Variants in SLC24A2 observed in about 807,000 individuals in gnomAD.
SLC24A2 encodes the protein sodium/potassium/calcium exchanger 2.
In SLC24A2, 36 loss-of-function variants were observed where a neutral mutation model predicts 62.0. The observed-to-expected ratio is 0.58, with a 90% CI of 0.44 to 0.77. The LOEUF is 0.77. Ranked by LOEUF, SLC24A2 falls within the 30% of genes least tolerant of loss-of-function variation. SLC24A2 has a pLI of 0.00. For missense variants in SLC24A2, 846 were observed against 817.9 expected, an observed-to-expected ratio of 1.03 and a Z score of -0.42; for synonymous variants, 358 against 294.0, an observed-to-expected ratio of 1.22 and a Z score of -2.23.
the SLC24A2 span, among the ~76,000 whole-genome samples, chr9:20,216,408 G>A: frequency 6.6e-6 from 1 of 152,200 alleles, no homozygotes; most frequent in East Asian, 1.9e-4. Flanking sequence ...GAGGGAGCTA[G>A]GAAATAGGCA....
At chr9:19,830,677 TC>T in the SLC24A2 span, among the ~76,000 whole-genome samples, 1 of 152,086 alleles carries the variant, frequency 6.6e-6, no homozygotes, top group Non-Finnish European at 1.5e-5. Context: ...GTGTGGCAGA[TC>T]ATCTAGACCC....
At chr9:20,104,437 G>A in the SLC24A2 span, among the ~76,000 whole-genome samples, 2 of 152,120 alleles carry the variant, frequency 1.3e-5, no homozygotes, top group East Asian at 3.8e-4. Flanking sequence ...AAATGTTAAG[G>A]GCAGTCAGAG....
At chr9:19,656,265 G>C (rs4977313) in intron 2 of SLC24A2, among the ~76,000 whole-genome samples, 2 of 152,052 alleles carry the variant, frequency 1.3e-5, no homozygotes, top group African/African-American at 4.8e-5. Context: ...AAAAAATGAA[G>C]ATGGAAATAC....
At position 19,640,685 on chromosome 9, in the gene SLC24A2, C is replaced by G. The variant is rs190656061; in HGVS notation, c.931-18386G>C. Reference sequence around the variant, plus strand: ...GTCAAGATTTTAAGTAAAGACAGCTCTTACCTTGCACTTGAATCTTCCCTA... The same window carrying G: ...GTCAAGATTTTAAGTAAAGACAGCTGTTACCTTGCACTTGAATCTTCCCTA... On this transcript the variant is annotated intron_variant, in intron 2 of 10. Coordinates refer to ENST00000341998, the MANE Select transcript of SLC24A2 (RefSeq NM_020344.4). Among the ~76,000 whole-genome samples the G allele has an allele frequency of 3.3e-5, 5 of 152,336 alleles. No individual in the cohort carries two copies. In the East Asian group the frequency reaches 7.7e-4, roughly 23 times the overall value.
At chr9:20,108,488 C>T in the SLC24A2 span, among the ~76,000 whole-genome samples, 1 of 152,150 alleles carries the variant, frequency 6.6e-6, no homozygotes, top group African/African-American at 2.4e-5. Flanking sequence ...GAAAACTTGG[C>T]ACATATACAC....
chr9:20,094,163 T>C, the SLC24A2 span, among the ~76,000 whole-genome samples: 2,130 of 152,292 alleles, frequency 0.014, 52 homozygotes, highest in African/African-American at 0.049. Context: ...TGTCCTTATA[T>C]ATTCTATTTG....
In SLC24A2 at chr9:19,530,702, G is replaced by A. The variant is rs534108843; in HGVS notation, c.1480-2564C>T. Among the ~76,000 whole-genome samples the A allele has an allele frequency of 2.6e-5, 4 of 152,274 alleles. No homozygotes were observed. The South Asian group carries it at 8.3e-4, about 32-fold the overall frequency. On this transcript the variant is annotated intron_variant, in intron 8 of 10. Coordinates refer to ENST00000341998, the MANE Select transcript of SLC24A2 (RefSeq NM_020344.4). ...CTCTAAATCAATATTTGATGCCCAT[G>A]ATTCTTAATCAAGAAGCCAATTAGT...
chr9:20,248,402 A>G, the SLC24A2 span, among the ~76,000 whole-genome samples: 1 of 152,220 alleles, frequency 6.6e-6, no homozygotes. Context: ...GAAATTTCTC[A>G]CAGTTCTGGA....
intron 2 of SLC24A2, among the ~76,000 whole-genome samples, chr9:19,682,306 G>A (rs542279563): frequency 2.0e-5 from 3 of 152,078 alleles, no homozygotes; most frequent in Non-Finnish European, 4.4e-5. Context: ...GATAGTAGAC[G>A]GTTGCATACA....
At chr9:20,126,071 A>G in the SLC24A2 span, among the ~76,000 whole-genome samples, 1 of 152,172 alleles carries the variant, frequency 6.6e-6, no homozygotes, top group Admixed American at 6.5e-5. Flanking sequence ...GGTTCTTACA[A>G]AGGTGTTTTT....
intron 9 of SLC24A2, among the ~76,000 whole-genome samples, chr9:19,525,815 A>G (rs1281373394): frequency 7.5e-6 from 1 of 132,932 alleles, no homozygotes; most frequent in East Asian, 2.2e-4. Context: ...TTGTGAAGTG[A>G]TATCTTGGAT....
chr9:20,117,977 C>A, the SLC24A2 span, among the ~76,000 whole-genome samples: 1 of 152,052 alleles, frequency 6.6e-6, no homozygotes, highest in Non-Finnish European at 1.5e-5. Flanking sequence ...CAGAGTCTGA[C>A]TGACTCTAGG....
chr9:19,720,837 A>ATG (rs10692458), intron 2 of SLC24A2, among the ~76,000 whole-genome samples: 18,975 of 140,138 alleles, frequency 0.14, 1,194 homozygotes, highest in East Asian at 0.18. Flanking sequence ...ATGTGGAATG[A>ATG]TGTGTGTGTG....
the SLC24A2 span, among the ~76,000 whole-genome samples, chr9:20,207,879 C>T: frequency 6.6e-6 from 1 of 152,164 alleles, no homozygotes; most frequent in East Asian, 1.9e-4. Flanking sequence ...GCTACATGCA[C>T]AAGTTTCTAC....
At chr9:20,239,339 A>G in the SLC24A2 span, among the ~76,000 whole-genome samples, 1 of 152,238 alleles carries the variant, frequency 6.6e-6, no homozygotes, top group Non-Finnish European at 1.5e-5. Context: ...CTGAAATTCA[A>G]ATTTAACTAT....
chr9:20,101,734 C>A, the SLC24A2 span, among the ~76,000 whole-genome samples: 4 of 151,622 alleles, frequency 2.6e-5, no homozygotes, highest in African/African-American at 9.7e-5. Flanking sequence ...CAACTCAGGT[C>A]TGAAAAAAAT....
At chr9:20,245,908 CA>C in the SLC24A2 span, among the ~76,000 whole-genome samples, 2 of 152,064 alleles carry the variant, frequency 1.3e-5, no homozygotes, top group Non-Finnish European at 2.9e-5. Context: ...AGTTGTTTTA[CA>C]GGTGAGGAAA....
At chr9:19,902,842 G>A in the SLC24A2 span, among the ~76,000 whole-genome samples, 1 of 152,192 alleles carries the variant, frequency 6.6e-6, no homozygotes, top group Non-Finnish European at 1.5e-5. Flanking sequence ...TATAGTGTGA[G>A]TATGGTTACA....
At chr9:19,707,367 A>G (rs1168670894) in intron 2 of SLC24A2, among the ~76,000 whole-genome samples, 1 of 152,234 alleles carries the variant, frequency 6.6e-6, no homozygotes, top group Admixed American at 6.5e-5. Flanking sequence ...AACTATTCCA[A>G]TCAATAGAAA....
Sources: gnomAD v4.1 joint callset for allele counts (sites outside exome capture counted in the v4.1 genomes callset) on GRCh38, gnomAD v4.1.1 for gene constraint, MANE v1.5 for transcripts, NCBI Gene and HGNC (gene_info 2026-07-23, HGNC 2026-07-21) for gene names.